CATSPER4: variants seen among roughly 807,000 people sequenced by gnomAD.
CATSPER4 encodes cation channel sperm associated 4.
CATSPER4 carries 46 observed loss-of-function variants against 54.4 expected under a neutral mutation model. The observed-to-expected ratio is 0.84, with a 90% confidence interval of 0.67 to 1.08. CATSPER4 has a LOEUF of 1.08. Among genes scored for constraint, CATSPER4 ranks in the 50% least tolerant of loss-of-function variants. The pLI is 0.00. For synonymous variants in CATSPER4, 230 were observed against 231.9 expected (o/e 0.99, Z 0.08); for missense variants, 574 against 612.8 (o/e 0.94, Z 0.67).
chr1:26,198,999 T>C (rs1258373752), intron 6 of CATSPER4, among the ~76,000 whole-genome samples: 1 of 152,164 alleles, frequency 6.6e-6, no homozygotes, highest in Non-Finnish European at 1.5e-5. Context: ...ATGGCATAGG[T>C]AGTGGATAAA....
At chr1:26,197,935 C>T (rs775529839) in intron 4 of CATSPER4, 22 bp from the exon 5 acceptor site, 2 of 1,612,358 alleles carry the variant, frequency 1.2e-6, no homozygotes, top group South Asian at 1.1e-5. Flanking sequence ...CCTAGGGGCA[C>T]CCCTGACAGG....
rs776879913 is a variant in CATSPER4 at position 26,202,495 on chromosome 1, G to A, written c.1372G>A (p.Asp458Asn). Reference sequence around the variant, plus strand: ...AAGACCTCTTGGTTTGCAGGTTCATGACTCTAGCTCACAAATACTCCTTAA... The same window carrying A: ...AAGACCTCTTGGTTTGCAGGTTCATAACTCTAGCTCACAAATACTCCTTAA... ...SALVSMEKVHDSSSQILLKKH... is the reference protein window; with the variant it reads ...SALVSMEKVHNSSSQILLKKH... Residue 458 changes from aspartate to asparagine, a missense_variant, in exon 10 of 10, where the codon GAC becomes AAC. By Grantham distance (23) the Asp-to-Asn change is conservative. Transcript: ENST00000456354. The A allele has an allele frequency of 1.2e-6, 2 of 1,611,830 alleles. No individual in the cohort carries two copies. The highest frequency in any genetic ancestry group is 1.7e-6 in the Non-Finnish European group (2 of 1,179,062).
At chr1:26,200,728 C>T (rs977245975) in intron 7 of CATSPER4, 102 bp from the exon 8 acceptor site, 19 of 907,440 alleles carry the variant, frequency 2.1e-5, no homozygotes, top group Non-Finnish European at 2.9e-5. Flanking sequence ...GCCTTAGAAC[C>T]CTGGGGTCCT....
intron 9 of CATSPER4, 133 bp from the exon 10 acceptor site, chr1:26,202,356 C>A: frequency 1.3e-6 from 1 of 789,460 alleles, no homozygotes; most frequent in East Asian, 2.7e-5. Flanking sequence ...ACTAGGTAGG[C>A]TCAAGTTAGA....
chr1:26,190,683 A>G lies in CATSPER4; in HGVS notation c.56A>G (p.Glu19Gly). ...WQQWTSHTGL[E>G]GWGGTQEDRM... ...CAATGGACCTCCCATACAGGCCTCG[A>G]GGGGTGGGGCGGGACTCAGGAGGAC... The change falls in exon 1 of 10, where the codon GAG becomes GGG. Residue 19 changes from glutamate (E) to glycine (G), a missense_variant. By Grantham distance (98) the Glu-to-Gly change is moderately conservative. Transcript: ENST00000456354. The G allele has an allele frequency of 6.2e-7, 1 of 1,610,782 alleles. No homozygotes were observed. Among genetic ancestry groups the G allele is most frequent in the Non-Finnish European group, 8.5e-7 (1 of 1,179,822 alleles).
rs779774662 is a variant in CATSPER4, at chr1:26,191,297, A to G, written c.224A>G (p.Asp75Gly). 1 of 1,614,076 alleles carries G rather than the reference A, an allele frequency of 6.2e-7. No individual in the cohort carries two copies. Among genetic ancestry groups the G allele is most frequent in the Admixed American group, 1.7e-5 (1 of 60,022 alleles). ...CCTGCCCTCTTCCAGGACGCCTGGG[A>G]CATGCAGGAGTTCATCACTCACATG... ...QEITNKADAWDMQEFITHMYI... is the reference protein window; with the variant it reads ...QEITNKADAWGMQEFITHMYI... Residue 75 changes from aspartate to glycine, a missense_variant, in exon 2 of 10, where the codon GAC (aspartate) becomes GGC (glycine). By Grantham distance (94) the Asp-to-Gly change is moderately conservative. Coordinates refer to ENST00000456354, the MANE Select transcript of CATSPER4 (RefSeq NM_198137.2).
intron 2 of CATSPER4, among the ~76,000 whole-genome samples, chr1:26,192,789 T>C (rs948249075): frequency 1.3e-5 from 2 of 151,814 alleles, no homozygotes; most frequent in African/African-American, 4.8e-5. Flanking sequence ...CCAGTGGCCA[T>C]ATGTGACAGT....
intron 9 of CATSPER4, 21 bp downstream of exon 9, chr1:26,201,540 C>T (rs2089008591): frequency 6.2e-7 from 1 of 1,613,404 alleles, no homozygotes; most frequent in Non-Finnish European, 8.5e-7. Flanking sequence ...CTTCTCCTAC[C>T]CAATGGGTAC....
At chr1:26,199,598 C>CTAAAAAAAAAAAAAAA (rs2088982627) in intron 6 of CATSPER4, among the ~76,000 whole-genome samples, 1 of 113,850 alleles carries the variant, frequency 8.8e-6, no homozygotes, top group Non-Finnish European at 1.8e-5. Context: ...GACTCCATCT[C>CTAAAAAAAAAAAAAAA]AAAAAAAAAA....
chr1:26,198,041 G>A lies in CATSPER4; in HGVS notation c.642G>A (p.Met214Ile). ...IRVILQSVPD[M>I]ANIMVLILFF... ...TCATCCTGCAGTCGGTGCCTGACAT[G>A]GCCAATATCATGGTCCTCATCCTCT... Residue 214 changes from methionine (M) to isoleucine (I), a missense_variant, in exon 5 of 10, where the codon ATG (methionine) becomes ATA (isoleucine). Coordinates refer to ENST00000456354, the MANE Select transcript of CATSPER4 (RefSeq NM_198137.2). 1.2e-6 allele frequency: 2 copies of A among 1,614,010 alleles called. No individual in the cohort carries two copies. Among genetic ancestry groups the A allele is most frequent in the Non-Finnish European group, 1.7e-6 (2 of 1,179,876 alleles).
At chr1:26,191,829 G>C (rs1026164277) in intron 2 of CATSPER4, among the ~76,000 whole-genome samples, 2 of 152,170 alleles carry the variant, frequency 1.3e-5, no homozygotes, top group Admixed American at 6.5e-5. Flanking sequence ...CAGACACACA[G>C]AAACTGTCAT....
chr1:26,199,806 A>G, intron 6 of CATSPER4, 78 bp from the exon 7 acceptor site: 2 of 1,539,880 alleles, frequency 1.3e-6, no homozygotes, highest in Middle Eastern at 2.3e-4. Flanking sequence ...CCTTGGGATG[A>G]TTTTCCCATT....
chr1:26,192,902 C>T (rs1275943109), intron 2 of CATSPER4, among the ~76,000 whole-genome samples: 1 of 151,712 alleles, frequency 6.6e-6, no homozygotes, highest in Non-Finnish European at 1.5e-5. Context: ...GTCAAGGGTT[C>T]GAGACCAGCC....
chr1:26,197,710 A>C lies in CATSPER4; in HGVS notation c.484A>C (p.Ile162Leu). The change falls in exon 4 of 10, where the codon ATT becomes CTT. Residue 162 changes from isoleucine to leucine, a missense_variant. Coordinates refer to ENST00000456354, the MANE Select transcript of CATSPER4 (RefSeq NM_198137.2). Reference sequence around the variant, plus strand: ...GGACGGCTGGAACATCCTCAACTTCATTATCGTCTTTATCTTGCTCTTGCG... The same window carrying C: ...GGACGGCTGGAACATCCTCAACTTCCTTATCGTCTTTATCTTGCTCTTGCG... The part of the protein sequence containing the change: ...WKDGWNILNF[I>L]IVFILLLRFF... The C allele has an allele frequency of 6.2e-7, 1 of 1,613,524 alleles. No homozygotes were observed. Among genetic ancestry groups the C allele is most frequent in the Non-Finnish European group, 8.5e-7 (1 of 1,179,964 alleles).
At chr1:26,194,773 G>T (rs968847746) in intron 3 of CATSPER4, among the ~76,000 whole-genome samples, 6 of 151,412 alleles carry the variant, frequency 4.0e-5, no homozygotes, top group Non-Finnish European at 5.9e-5. Context: ...ATACATTGAA[G>T]AACTTTTTTT....
rs1226384637 is a variant in CATSPER4 at position 26,200,830 on chromosome 1, A to G, written c.988A>G (p.Thr330Ala). 4.3e-6 allele frequency: 7 copies of G among 1,613,078 alleles called. No individual in the cohort carries two copies. Among genetic ancestry groups the G allele is most frequent in the Non-Finnish European group, 4.2e-6 (5 of 1,179,132 alleles). The stretch of plus-strand genomic sequence containing the variant: ...CCCCTCTCTATCCCCCGCTTCCCAG[A>G]CAGGCGCAGAGGAAGAGGAGGAGAA... ...GQQQRITFSETGAEEEEENDQ... is the reference protein window; with the variant it reads ...GQQQRITFSEAGAEEEEENDQ... Residue 330 changes from threonine to alanine, a missense_variant and splice_region_variant, in exon 8 of 10, where the codon ACA (threonine) becomes GCA (alanine). By Grantham distance (58) the Thr-to-Ala change is moderately conservative. Coordinates refer to ENST00000456354, the MANE Select transcript of CATSPER4 (RefSeq NM_198137.2).
intron 3 of CATSPER4, among the ~76,000 whole-genome samples, chr1:26,197,254 G>A (rs1296132867): frequency 6.6e-6 from 1 of 152,110 alleles, no homozygotes; most frequent in African/African-American, 2.4e-5. Flanking sequence ...CCTCAGAACT[G>A]GCTACTGAAG....
chr1:26,192,522 G>A (rs979678402), intron 2 of CATSPER4, among the ~76,000 whole-genome samples: 3 of 151,832 alleles, frequency 2.0e-5, no homozygotes, highest in Non-Finnish European at 4.4e-5. Context: ...GCAGGGAGGC[G>A]GAGGTTGCGG....
Position 26,197,988 on chromosome 1 carries a change from G to A in CATSPER4, c.589G>A (p.Val197Met). 6.2e-7 allele frequency: 1 copy of A among 1,613,774 alleles called. No homozygotes were observed. The highest frequency in any genetic ancestry group is 8.5e-7 in the Non-Finnish European group (1 of 1,180,026). The change falls in exon 5 of 10, where the codon GTG (valine) becomes ATG (methionine). Residue 197 changes from valine (V) to methionine (M), a missense_variant. Coordinates refer to ENST00000456354, the MANE Select transcript of CATSPER4 (RefSeq NM_198137.2). The part of the protein sequence containing the change: ...ALRLVHVCMA[V>M]EPLARIIRVI... ...TCGTCTGGTGCATGTGTGCATGGCG[G>A]TGGAGCCCCTCGCCCGGATCATCCG...
Sources: gnomAD v4.1 joint callset for allele counts (sites outside exome capture counted in the v4.1 genomes callset) on GRCh38, gnomAD v4.1.1 for gene constraint, MANE v1.5 for transcripts, NCBI Gene and HGNC (gene_info 2026-07-23, HGNC 2026-07-21) for gene names.